USP32: variants seen among roughly 807,000 people sequenced by gnomAD.
USP32 encodes the protein ubiquitin carboxyl-terminal hydrolase 32.
USP32 carries 59 observed loss-of-function variants against 204.8 expected under a neutral mutation model. The observed-to-expected ratio is 0.29, with a 90% CI of 0.23 to 0.36. USP32 has a LOEUF of 0.36. Among genes scored for constraint, USP32 ranks in the 10% least tolerant of loss-of-function variants. The probability of loss-of-function intolerance (pLI) is 1.00; values close to 1 mark genes in which losing one functional copy is unlikely to be tolerated. For missense variants in USP32, 1,160 were observed against 1,946.4 expected, an observed-to-expected ratio of 0.60 and a Z score of 7.60; for synonymous variants, 517 against 678.4, an observed-to-expected ratio of 0.76 and a Z score of 3.70.
chr17:60,388,289 TACACACACACACACACAC>T (rs35068599), intron 1 of USP32, among the ~76,000 whole-genome samples: 1 of 141,910 alleles, frequency 7.0e-6, no homozygotes, highest in Admixed American at 7.0e-5. Flanking sequence ...AGCCGATTCT[TACACACACACACACACAC>T]ACACACACAC....
intron 11 of USP32, among the ~76,000 whole-genome samples, chr17:60,242,350 T>A (rs1162583784): frequency 3.9e-5 from 6 of 152,194 alleles, no homozygotes. Context: ...TGAATTTTCT[T>A]GACATCTTTA....
Position 60,244,029 on chromosome 17 carries a change from G to GTTTTTTTTTTTTTTTTT in USP32, c.1137-7806_1137-7790dup, listed in dbSNP as rs34842511. Among the ~76,000 whole-genome samples the GTTTTTTTTTTTTTTTTT allele has an allele frequency of 2.7e-4, 19 of 71,690 alleles. 4 individuals are homozygous for GTTTTTTTTTTTTTTTTT. Among genetic ancestry groups the GTTTTTTTTTTTTTTTTT allele is most frequent in the African/African-American group, 1.3e-3 (19 of 14,178 alleles). 47.0% of individuals were successfully genotyped at this position (71,690 alleles called of 152,430 possible). ...TTTGAATCTCAAGTAGCTGGATTGT[G>GTTTTTTTTTTTTTTTTT]TTTTTTTTTTTTTTTTTTTTTTTTG... On this transcript the variant is annotated intron_variant, in intron 11 of 33. Transcript: ENST00000300896.
intron 1 of USP32, among the ~76,000 whole-genome samples, chr17:60,347,450 T>C (rs978447235): frequency 1.1e-4 from 17 of 151,560 alleles, no homozygotes; most frequent in Admixed American, 7.9e-4. Flanking sequence ...GCCTCCCAGG[T>C]TCATGCCATT....
intron 1 of USP32, among the ~76,000 whole-genome samples, chr17:60,419,810 TA>T (rs36086072): frequency 7.5e-6 from 1 of 133,028 alleles, no homozygotes; most frequent in East Asian, 2.1e-4. Flanking sequence ...AACTCAAGGT[TA>T]AAAAAAATTA....
intron 2 of USP32, among the ~76,000 whole-genome samples, chr17:60,331,006 C>T (rs1367708407): frequency 6.6e-6 from 1 of 152,148 alleles, no homozygotes; most frequent in Non-Finnish European, 1.5e-5. Context: ...TAAATTCCTA[C>T]AATTCTGATC....
At chr17:60,373,950 C>A (rs545735818) in intron 1 of USP32, among the ~76,000 whole-genome samples, 1 of 151,788 alleles carries the variant, frequency 6.6e-6, no homozygotes, top group East Asian at 1.9e-4. Flanking sequence ...TTTGGGAGGC[C>A]GAGGTGGGCG....
intron 1 of USP32, among the ~76,000 whole-genome samples, chr17:60,380,454 G>C (rs905379008): frequency 6.6e-6 from 1 of 152,140 alleles, no homozygotes; most frequent in Non-Finnish European, 1.5e-5. Flanking sequence ...TGTAGTCCCA[G>C]CTGCTAGGGA....
At chr17:60,374,399 G>GT (rs1257100336) in intron 1 of USP32, among the ~76,000 whole-genome samples, 7,146 of 141,378 alleles carry the variant, frequency 0.051, 552 homozygotes, top group African/African-American at 0.16. Context: ...GTTAAGTTTT[G>GT]TTTTTTTTTT....
intron 1 of USP32, among the ~76,000 whole-genome samples, chr17:60,356,940 A>C (rs1567871971): frequency 6.6e-6 from 1 of 152,210 alleles, no homozygotes; most frequent in Non-Finnish European, 1.5e-5. Context: ...ACACTGTCTC[A>C]CCAAATGGAG....
chr17:60,335,565 A>G (rs572553307), intron 2 of USP32, among the ~76,000 whole-genome samples: 1 of 124,996 alleles, frequency 8.0e-6, no homozygotes, highest in Non-Finnish European at 1.5e-5. Flanking sequence ...GGTGAAGTAG[A>G]AAAAAATATA....
intron 1 of USP32, among the ~76,000 whole-genome samples, chr17:60,385,901 TAA>T (rs2089723524): frequency 1.3e-5 from 2 of 151,752 alleles, no homozygotes; most frequent in Non-Finnish European, 1.5e-5. Context: ...TAATGAATAC[TAA>T]GTCCCTAATA....
At position 60,294,751 on chromosome 17, in the gene USP32, C is replaced by T. The variant is rs1003580115; in HGVS notation, c.343G>A (p.Glu115Lys). 13 of 1,612,880 alleles carry T rather than the reference C, an allele frequency of 8.1e-6. No homozygotes were observed. The Admixed American group carries it at 1.0e-4, about 12-fold the overall frequency. Residue 115 changes from glutamate (E) to lysine (K), a missense_variant, in exon 4 of 34, where the codon GAA becomes AAA. This residue lies in a region of USP32 where 536 missense variants were observed against 680.9 expected (regional missense o/e 0.79). Transcript: ENST00000300896. ...ACCACGTGGAGCATTCTTTCCATTT[C>T]TTCCCGTATAACATAGTTCCCAGAT... ...SESGNYVIRE[E>K]MERMLHVVDG...
intron 2 of USP32, among the ~76,000 whole-genome samples, chr17:60,337,196 C>T (rs2088544074): frequency 6.6e-6 from 1 of 152,168 alleles, no homozygotes; most frequent in Non-Finnish European, 1.5e-5. Flanking sequence ...ACTCAGAGGA[C>T]ATCTAAATGC....
chr17:60,334,801 C>A (rs1460398652), intron 2 of USP32, among the ~76,000 whole-genome samples: 1 of 143,228 alleles, frequency 7.0e-6, no homozygotes, highest in East Asian at 1.9e-4. Context: ...CCATATTGTT[C>A]AAGGGTCAAC....
intron 9 of USP32, chr17:60,256,753 GCCAATCT>G (rs1206783499): frequency 2.5e-6 from 3 of 1,184,572 alleles, no homozygotes; most frequent in East Asian, 1.3e-4. Context: ...TGTAAGATCT[GCCAATCT>G]CCCAAATCAA....
At chr17:60,214,531 TAC>T (rs2085052332) in intron 17 of USP32, 87 bp downstream of exon 17, 1 of 1,193,920 alleles carries the variant, frequency 8.4e-7, no homozygotes, top group Non-Finnish European at 1.2e-6. Context: ...ATTGGAACAA[TAC>T]AAAGAAGTTT....
At chr17:60,230,621 T>C (rs569914470) in intron 12 of USP32, among the ~76,000 whole-genome samples, 2 of 152,256 alleles carry the variant, frequency 1.3e-5, no homozygotes, top group African/African-American at 4.8e-5. Context: ...ACTAGACTGG[T>C]CTGTCTTCTC....
intron 17 of USP32, 115 bp downstream of exon 17, chr17:60,214,505 C>T: frequency 1.2e-6 from 1 of 828,118 alleles, no homozygotes; most frequent in Non-Finnish European, 1.9e-6. Context: ...TGCTCTTTGG[C>T]AACATATGTA....
intron 7 of USP32, among the ~76,000 whole-genome samples, chr17:60,269,200 A>T (rs1022137588): frequency 2.0e-5 from 3 of 152,232 alleles, no homozygotes; most frequent in African/African-American, 7.2e-5. Context: ...ATTTATCATG[A>T]ATTACAAATT....
Sources: allele counts gnomAD v4.1 joint callset (sites outside exome capture counted in the v4.1 genomes callset), GRCh38; gene constraint gnomAD v4.1.1; regional missense constraint gnomAD v4.1.1; transcripts MANE v1.5; gene names NCBI Gene and HGNC (gene_info 2026-07-23, HGNC 2026-07-21).